The following CSMD1 variants were observed in gnomAD, a reference collection of about 807,000 sequenced individuals.
CSMD1 encodes the protein CUB and sushi domain-containing protein 1.
CSMD1 carries 213 observed loss-of-function variants against 417.5 expected under a neutral mutation model. The observed-to-expected ratio is 0.51, with a 90% confidence interval of 0.46 to 0.57. CSMD1 has a LOEUF of 0.57. CSMD1 is among the 20% of genes least tolerant of loss of function. CSMD1 has a pLI of 0.00. For missense variants in CSMD1, 6,923 were observed against 4,529.7 expected (o/e 1.53, Z -15.17); for synonymous variants, 2,862 against 1,736.8 (o/e 1.65, Z -16.11).
Position 3,469,372 on chromosome 8 carries a change from T to G in CSMD1, c.1449-548A>C, listed in dbSNP as rs111954067. On this transcript the variant is annotated intron_variant, in intron 11 of 69. Transcript: ENST00000635120. ...TATAGGTAATTATACATTAAGAGAATTTTGAAAAGAACAACATGCATAGCT... is the reference window on the plus strand; with the variant it reads ...TATAGGTAATTATACATTAAGAGAAGTTTGAAAAGAACAACATGCATAGCT... 1.3e-3 allele frequency among the ~76,000 whole-genome samples: 192 copies of G among 152,286 alleles called. 1 individual carries two copies. The highest frequency in any genetic ancestry group is 4.4e-3 in the African/African-American group (183 of 41,570).
chr8:4,385,587 G>T (rs1037061038), intron 3 of CSMD1, among the ~76,000 whole-genome samples: 1 of 152,156 alleles, frequency 6.6e-6, no homozygotes, highest in African/African-American at 2.4e-5. Flanking sequence ...TAAGGAGTAA[G>T]AATGTTATTA....
At position 3,108,443 on chromosome 8, in the gene CSMD1, A is replaced by T. The variant is rs192398106; in HGVS notation, c.6754+160T>A. Among the ~76,000 whole-genome samples, 29 of 152,344 alleles carry T rather than the reference A, an allele frequency of 1.9e-4. No homozygotes were observed. The East Asian group carries it at 3.7e-3, about 19-fold the overall frequency. Reference sequence around the variant, plus strand: ...GAAATAATAAAGACATCATTAAACAAAAAAAGGACCACAGGAAACGCTGGC... The same window carrying T: ...GAAATAATAAAGACATCATTAAACATAAAAAGGACCACAGGAAACGCTGGC... On this transcript the variant is annotated intron_variant, in intron 44 of 69. Transcript: ENST00000635120.
At position 3,182,525 on chromosome 8, in the gene CSMD1, T is replaced by C. The variant is rs555096946; in HGVS notation, c.5621-1311A>G. Reference sequence around the variant, plus strand: ...CCACTGCACCCGGCCCCCAAGAGATTTGATCAGACCAATAACCCCAGGCAA... The same window carrying C: ...CCACTGCACCCGGCCCCCAAGAGATCTGATCAGACCAATAACCCCAGGCAA... On this transcript the variant is annotated intron_variant, in intron 36 of 69. Transcript: ENST00000635120. Among the ~76,000 whole-genome samples the C allele has an allele frequency of 4.6e-5, 7 of 151,408 alleles. No individual in the cohort carries two copies. In the South Asian group the frequency reaches 1.5e-3, roughly 32 times the overall value.
rs183129101 is a variant in CSMD1, at chr8:4,161,844, T to A, written c.416-129745A>T. ...TGCTATATGATATGTCACTGCATTTTTTTCTTTGCCATAGAATTTAATTCT... is the reference window on the plus strand; with the variant it reads ...TGCTATATGATATGTCACTGCATTTATTTCTTTGCCATAGAATTTAATTCT... On this transcript the variant is annotated intron_variant, in intron 3 of 69. Transcript: ENST00000635120. 3.3e-3 allele frequency among the ~76,000 whole-genome samples: 503 copies of A among 152,346 alleles called. 2 individuals are homozygous for A. Among genetic ancestry groups the A allele is most frequent in the Non-Finnish European group, 5.4e-3 (368 of 68,026 alleles).
At chr8:3,751,435 G>C (rs1462211611) in intron 6 of CSMD1, among the ~76,000 whole-genome samples, 3 of 146,806 alleles carry the variant, frequency 2.0e-5, no homozygotes, top group African/African-American at 7.5e-5. Flanking sequence ...ACTACATACA[G>C]TTTATACATA....
intron 4 of CSMD1, among the ~76,000 whole-genome samples, chr8:4,016,162 T>C (rs541249587): frequency 1.3e-5 from 2 of 152,284 alleles, no homozygotes; most frequent in East Asian, 3.9e-4. Context: ...CATAAAAGCA[T>C]TGAACGTTCA....
chr8:4,461,085 G>A (rs996513567), intron 2 of CSMD1, among the ~76,000 whole-genome samples: 2 of 152,052 alleles, frequency 1.3e-5, no homozygotes, highest in African/African-American at 4.8e-5. Flanking sequence ...ATTTATCTCA[G>A]GAATGCAAGA....
chr8:4,919,610 A>C (rs1047017957), intron 1 of CSMD1, among the ~76,000 whole-genome samples: 3 of 152,206 alleles, frequency 2.0e-5, no homozygotes, highest in Non-Finnish European at 4.4e-5. Flanking sequence ...TGTAGTAACA[A>C]TTTGTACCAT....
chr8:4,556,706 C>T (rs1194016582), intron 2 of CSMD1, among the ~76,000 whole-genome samples: 1 of 152,124 alleles, frequency 6.6e-6, no homozygotes, highest in Non-Finnish European at 1.5e-5. Flanking sequence ...TTAGCGGAAA[C>T]ACATTGCCAC....
At chr8:3,598,279 A>G (rs1801187818) in intron 8 of CSMD1, 1 of 152,156 alleles carries the variant, frequency 6.6e-6, no homozygotes, top group African/African-American at 2.4e-5. Flanking sequence ...CCCCAGAAAA[A>G]CAGACCTGCT....
chr8:3,442,641 C>G (rs6558776), intron 12 of CSMD1, among the ~76,000 whole-genome samples: 3 of 151,968 alleles, frequency 2.0e-5, no homozygotes, highest in African/African-American at 4.8e-5. Flanking sequence ...GTGCACTCCA[C>G]GATGTTTGCA....
In CSMD1 at chr8:2,942,459, G is replaced by C. The variant is rs6997981; in HGVS notation, c.10535+13C>G. The C allele has an allele frequency of 0.32, 508,432 of 1,604,150 alleles. 82,624 individuals carry two copies. The highest frequency in any genetic ancestry group is 0.34 in the Non-Finnish European group (393,895 of 1,173,082). ...CTCACAACATTCTCAAACAGATGGTGTTTCTGCAGTACCTGTGTTTGTAGA... is the reference window on the plus strand; with the variant it reads ...CTCACAACATTCTCAAACAGATGGTCTTTCTGCAGTACCTGTGTTTGTAGA... On this transcript the variant is annotated intron_variant, in intron 69 of 69. Transcript: ENST00000635120.
At chr8:4,744,216 C>T (rs1344310924) in intron 1 of CSMD1, among the ~76,000 whole-genome samples, 3 of 152,158 alleles carry the variant, frequency 2.0e-5, no homozygotes, top group South Asian at 4.2e-4. Flanking sequence ...CCTCTGCAGG[C>T]TCGGGGGGCA....
chr8:4,000,209 G>A (rs1163887657), intron 4 of CSMD1, among the ~76,000 whole-genome samples: 1 of 135,544 alleles, frequency 7.4e-6, no homozygotes, highest in African/African-American at 2.8e-5. Flanking sequence ...ACATTCTTGG[G>A]AACAGCCGAA....
intron 3 of CSMD1, among the ~76,000 whole-genome samples, chr8:4,243,819 G>A (rs1440367402): frequency 1.3e-5 from 2 of 152,138 alleles, no homozygotes; most frequent in African/African-American, 4.8e-5. Flanking sequence ...TCTTTACAAT[G>A]AAACAAAGAT....
At chr8:3,015,918 A>C (rs562495926) in intron 52 of CSMD1, among the ~76,000 whole-genome samples, 67 of 152,262 alleles carry the variant, frequency 4.4e-4, no homozygotes, top group Non-Finnish European at 8.4e-4. Flanking sequence ...AGACCCTTGC[A>C]CCTGCCCCTT....
intron 3 of CSMD1, among the ~76,000 whole-genome samples, chr8:4,170,554 C>G (rs568217590): frequency 6.6e-6 from 1 of 151,918 alleles, no homozygotes; most frequent in East Asian, 1.9e-4. Context: ...GAATATGGAA[C>G]ATGGACAATG....
chr8:4,288,723 A>G (rs1459038038), intron 3 of CSMD1, among the ~76,000 whole-genome samples: 2 of 152,164 alleles, frequency 1.3e-5, no homozygotes, highest in African/African-American at 2.4e-5. Flanking sequence ...AAGCAAATCT[A>G]TGATTCCAAG....
At chr8:3,000,184 T>C in intron 52 of CSMD1, 53 bp from the exon 53 acceptor site, 1 of 1,354,860 alleles carries the variant, frequency 7.4e-7, no homozygotes, top group Non-Finnish European at 1.0e-6. Flanking sequence ...TTTATAAAAG[T>C]AGTACATTCA....
Sources: gnomAD v4.1 joint callset for allele counts (sites outside exome capture counted in the v4.1 genomes callset) on GRCh38, gnomAD v4.1.1 for gene constraint, MANE v1.5 for transcripts, NCBI Gene and HGNC (gene_info 2026-07-23, HGNC 2026-07-21) for gene names.